STS: variants seen among roughly 807,000 people sequenced by gnomAD.
The protein encoded by STS is steroid sulfatase.
STS carries 7 observed loss-of-function variants against 26.8 expected under a neutral mutation model. That is an observed-to-expected ratio of 0.26 (90% CI 0.15 to 0.49). The LOEUF is 0.49. Ranked by LOEUF, STS falls within the 20% of genes least tolerant of loss-of-function variation. The pLI is 0.98. For missense variants in STS, 434 were observed against 465.6 expected, an observed-to-expected ratio of 0.93 and a Z score of 0.63; for synonymous variants, 199 against 189.4, an observed-to-expected ratio of 1.05 and a Z score of -0.42.
At chrX:7,238,249 G>A (rs1447673974) in intron 2 of STS, among the ~76,000 whole-genome samples, 3 of 108,558 alleles carry the variant, frequency 2.8e-5, no homozygotes, top group Admixed American at 9.9e-5. Flanking sequence ...TCCAGTCATC[G>A]TTGATGGACA....
intron 7 of STS, among the ~76,000 whole-genome samples, chrX:7,291,709 C>T (rs1048860119): frequency 4.5e-5 from 5 of 111,954 alleles, no homozygotes; most frequent in South Asian, 7.4e-4. Context: ...TAGTCAGTCA[C>T]GGCAAAATCT....
At chrX:7,324,782 A>G (rs1284558053) in intron 8 of STS, among the ~76,000 whole-genome samples, 1 of 111,716 alleles carries the variant, frequency 9.0e-6, no homozygotes, top group African/African-American at 3.3e-5. Context: ...CTATTCTGTT[A>G]GTCGAGGGGC....
chrX:7,333,189 A>T (rs890589614), intron 9 of STS, among the ~76,000 whole-genome samples: 4 of 112,502 alleles, frequency 3.6e-5, no homozygotes, highest in Non-Finnish European at 7.5e-5. Context: ...CAAAATAATT[A>T]TCTGCCTCTC....
chrX:7,321,500 AGAGTGCAATAAAAG>A (rs2147158180), intron 8 of STS, among the ~76,000 whole-genome samples: 1 of 112,300 alleles, frequency 8.9e-6, no homozygotes, highest in African/African-American at 3.2e-5. Flanking sequence ...ACACTAGAGC[AGAGTGCAATAAAAG>A]GAGGCATTCC....
intron 2 of STS, among the ~76,000 whole-genome samples, chrX:7,237,213 CA>C (rs59873673): frequency 0.011 from 858 of 78,195 alleles, 3 homozygotes; most frequent in Non-Finnish European, 0.012. Context: ...AAGATTTGCT[CA>C]AAAAAAAAAA....
intron 2 of STS, among the ~76,000 whole-genome samples, chrX:7,241,499 C>A (rs925360166): frequency 3.7e-4 from 41 of 111,982 alleles, no homozygotes; most frequent in African/African-American, 1.3e-3. Flanking sequence ...TACATGGTTG[C>A]TGAGCAGAGA....
intron 7 of STS, among the ~76,000 whole-genome samples, chrX:7,284,472 G>A (rs5978404): frequency 0.35 from 39,144 of 110,905 alleles, 5,131 homozygotes; most frequent in East Asian, 0.4. Context: ...GCAGGGGGAT[G>A]CACTTGGAGC....
chrX:7,152,990 C>T (rs1402281797), intron 1 of STS, among the ~76,000 whole-genome samples: 1 of 111,937 alleles, frequency 8.9e-6, no homozygotes, highest in East Asian at 2.8e-4. Context: ...TCTAAAATAG[C>T]ACATGTGAAG....
chrX:7,252,937 G>T (rs1188143659), intron 2 of STS, among the ~76,000 whole-genome samples: 3 of 111,751 alleles, frequency 2.7e-5, no homozygotes, highest in Non-Finnish European at 5.6e-5. Context: ...GATTGTTTGA[G>T]CCCAGAAGTT....
At position 7,246,341 on chromosome X, in the gene STS, G is replaced by A. The variant is rs757842129; in HGVS notation, c.-4-6855G>A. Among the ~76,000 whole-genome samples the A allele has an allele frequency of 4.0e-3, 431 of 107,205 alleles. 1 individual carries two copies. The highest frequency in any genetic ancestry group is 0.014 in the African/African-American group (408 of 29,280). 93.1% of individuals were successfully genotyped at this position (107,205 alleles called of 115,157 possible). ...CAGTGAGACGGAGTCTCGCTCTGTC[G>A]CTCAGGCTGGAGTGCAGTGGCGCGA... On this transcript the variant is annotated intron_variant, in intron 2 of 10. Transcript: ENST00000674429.
At chrX:7,169,609 C>G (rs1412311804) in intron 1 of STS, among the ~76,000 whole-genome samples, 6 of 111,924 alleles carry the variant, frequency 5.4e-5, no homozygotes, top group East Asian at 2.8e-4. Context: ...ATACTGTTAT[C>G]CACAGCAAGT....
At chrX:7,197,534 T>TA (rs1374165229) in intron 2 of STS, among the ~76,000 whole-genome samples, 2 of 111,671 alleles carry the variant, frequency 1.8e-5, no homozygotes, top group Non-Finnish European at 3.8e-5. Flanking sequence ...ACATATAGGA[T>TA]AAAAAAAGAT....
At chrX:7,226,141 G>A (rs1921794439) in intron 2 of STS, among the ~76,000 whole-genome samples, 1 of 111,945 alleles carries the variant, frequency 8.9e-6, no homozygotes, top group Non-Finnish European at 1.9e-5. Flanking sequence ...CGTTCCTGTT[G>A]CCCCTCTCTA....
intron 2 of STS, among the ~76,000 whole-genome samples, chrX:7,252,579 G>C (rs1923191146): frequency 9.0e-6 from 1 of 111,542 alleles, no homozygotes; most frequent in African/African-American, 3.3e-5. Flanking sequence ...AACAAGAAGG[G>C]GTCTAACTCA....
At chrX:7,304,933 G>A in intron 7 of STS, 113 bp from the exon 8 acceptor site, 1 of 919,738 alleles carries the variant, frequency 1.1e-6, no homozygotes, top group Non-Finnish European at 1.6e-6. Flanking sequence ...ACTCCAATAT[G>A]TAAGAACGTT....
Position 7,324,028 on chromosome X carries a change from C to A in STS, c.1082-1311C>A, listed in dbSNP as rs148903744. On this transcript the variant is annotated intron_variant, in intron 8 of 10. Transcript: ENST00000674429. ...TCATTCTGAGCCAAGTTGACACAGC[C>A]CCGGGAGATCCTAAGAATATGTACC... is the stretch of plus-strand genomic sequence containing the variant. 8.9e-5 allele frequency among the ~76,000 whole-genome samples: 10 copies of A among 111,774 alleles called. No individual in the cohort carries two copies. The East Asian group carries it at 2.2e-3, about 25-fold the overall frequency.
At chrX:7,148,120 G>A (rs775647501) in intron 1 of STS, 37 bp downstream of exon 1, 39 of 1,119,796 alleles carry the variant, frequency 3.5e-5, no homozygotes, top group Non-Finnish European at 4.4e-5. Flanking sequence ...CCATGGTGGC[G>A]CCTTCTGGGT....
At chrX:7,302,272 G>A (rs774649816) in intron 7 of STS, among the ~76,000 whole-genome samples, 98 of 111,513 alleles carry the variant, frequency 8.8e-4, no homozygotes, top group South Asian at 7.6e-4. Context: ...GCAAAAGGGG[G>A]CATTTTTCTT....
intron 2 of STS, among the ~76,000 whole-genome samples, chrX:7,207,201 A>T (rs1213663880): frequency 8.9e-6 from 1 of 111,965 alleles, no homozygotes; most frequent in East Asian, 2.8e-4. Context: ...AAAAAAAAAA[A>T]TTACACTTAT....
Sources: allele counts gnomAD v4.1 joint callset (sites outside exome capture counted in the v4.1 genomes callset), GRCh38; gene constraint gnomAD v4.1.1; transcripts MANE v1.5; gene names NCBI Gene and HGNC (gene_info 2026-07-23, HGNC 2026-07-21).